Variants in CNTNAP2 observed in about 807,000 individuals in gnomAD.
CNTNAP2 encodes the protein contactin-associated protein-like 2.
CNTNAP2 carries 98 observed loss-of-function variants against 155.2 expected under a neutral mutation model. The observed-to-expected ratio is 0.63, with a 90% CI of 0.54 to 0.75. CNTNAP2 has a LOEUF of 0.75. CNTNAP2 is among the 30% of genes least tolerant of loss of function. The pLI, the probability that CNTNAP2 is intolerant of heterozygous loss-of-function variation, is 0.00. For missense variants in CNTNAP2, 1,727 were observed against 1,688.1 expected, an observed-to-expected ratio of 1.02 and a Z score of -0.40; for synonymous variants, 651 against 631.2, an observed-to-expected ratio of 1.03 and a Z score of -0.47.
intron 9 of CNTNAP2, among the ~76,000 whole-genome samples, chr7:147,393,791 CAAG>C (rs1222061156): frequency 6.6e-6 from 1 of 151,580 alleles, no homozygotes; most frequent in Non-Finnish European, 1.5e-5. Flanking sequence ...TTTTTTAAGT[CAAG>C]AAGTTAATTC....
chr7:147,910,947 T>G (rs891344562), intron 14 of CNTNAP2, among the ~76,000 whole-genome samples: 1 of 152,226 alleles, frequency 6.6e-6, no homozygotes, highest in Non-Finnish European at 1.5e-5. Context: ...TTTCCAATTT[T>G]TATTATGGTA....
chr7:147,586,114 T>C (rs1227049495), intron 12 of CNTNAP2, among the ~76,000 whole-genome samples: 1 of 152,108 alleles, frequency 6.6e-6, no homozygotes, highest in Non-Finnish European at 1.5e-5. Flanking sequence ...TGATTGGCAA[T>C]TGATTGAAAG....
chr7:146,143,082 T>A (rs908353007), intron 1 of CNTNAP2, among the ~76,000 whole-genome samples: 1 of 152,158 alleles, frequency 6.6e-6, no homozygotes, highest in African/African-American at 2.4e-5. Context: ...ATTGCTAGGC[T>A]GCCATTGTTA....
intron 22 of CNTNAP2, among the ~76,000 whole-genome samples, chr7:148,391,101 T>TCTCCCATGATTG (rs1412671483): frequency 6.6e-6 from 1 of 152,174 alleles, no homozygotes; most frequent in Non-Finnish European, 1.5e-5. Context: ...TTTTAACACC[T>TCTCCCATGATTG]CTCCCATGAT....
At chr7:146,865,919 G>C (rs12667877) in intron 3 of CNTNAP2, among the ~76,000 whole-genome samples, 1 of 151,892 alleles carries the variant, frequency 6.6e-6, no homozygotes, top group Non-Finnish European at 1.5e-5. Context: ...CCTTGAAAAG[G>C]AATCCTTGTA....
At chr7:147,005,215 C>A (rs1798503785) in intron 3 of CNTNAP2, among the ~76,000 whole-genome samples, 1 of 151,858 alleles carries the variant, frequency 6.6e-6, no homozygotes, top group Non-Finnish European at 1.5e-5. Flanking sequence ...ATTTTCTATC[C>A]ACGGGAATAG....
chr7:148,368,100 C>T (rs1637863), intron 21 of CNTNAP2, among the ~76,000 whole-genome samples: 2 of 152,056 alleles, frequency 1.3e-5, no homozygotes, highest in Admixed American at 6.5e-5. Context: ...AAGTCACTCC[C>T]TTTAGGTGTC....
At chr7:146,420,923 T>C (rs573362935) in intron 1 of CNTNAP2, among the ~76,000 whole-genome samples, 152 of 152,220 alleles carry the variant, frequency 1.0e-3, no homozygotes, top group African/African-American at 3.5e-3. Context: ...AGCTTTCACA[T>C]TGGACTGTTC....
intron 13 of CNTNAP2, among the ~76,000 whole-genome samples, chr7:147,761,640 C>T (rs551891862): frequency 6.6e-6 from 1 of 152,092 alleles, no homozygotes; most frequent in Non-Finnish European, 1.5e-5. Flanking sequence ...GAGGATATAA[C>T]TTCATGGGGA....
At chr7:146,936,731 T>G (rs1796923345) in intron 3 of CNTNAP2, among the ~76,000 whole-genome samples, 2 of 152,204 alleles carry the variant, frequency 1.3e-5, no homozygotes, top group Non-Finnish European at 1.5e-5. Flanking sequence ...AGTCATAGAC[T>G]GCTGAGTGTT....
At chr7:147,817,719 T>C (rs184156157) in intron 13 of CNTNAP2, among the ~76,000 whole-genome samples, 17 of 152,004 alleles carry the variant, frequency 1.1e-4, no homozygotes, top group East Asian at 9.7e-4. Flanking sequence ...CTGGCTAACA[T>C]GGTGAAACCC....
At position 147,409,506 on chromosome 7, in the gene CNTNAP2, C is replaced by T. The variant is rs185376990; in HGVS notation, c.1670+13726C>T. ...ATAGGCATGGGCAAAGGTTTCATGA[C>T]GAAGACACAAAAGCAATTGCAACAC... On this transcript the variant is annotated intron_variant, in intron 10 of 23. Transcript: ENST00000361727. 3.0e-4 allele frequency among the ~76,000 whole-genome samples: 46 copies of T among 152,192 alleles called. 1 individual carries two copies. The highest frequency in any genetic ancestry group is 8.2e-4 in the African/African-American group (34 of 41,508).
chr7:147,441,458 C>T (rs1449232973), intron 10 of CNTNAP2, among the ~76,000 whole-genome samples: 1 of 152,058 alleles, frequency 6.6e-6, no homozygotes, highest in Non-Finnish European at 1.5e-5. Flanking sequence ...GGGTTGGTTC[C>T]TGATTCCTTG....
rs184748512 is a variant in CNTNAP2 at position 147,601,406 on chromosome 7, G to A, written c.1898-37700G>A. Among the ~76,000 whole-genome samples the A allele has an allele frequency of 1.6e-3, 237 of 152,024 alleles. 6 individuals are homozygous for A. The East Asian group carries it at 0.038, about 24-fold the overall frequency. On this transcript the variant is annotated intron_variant, in intron 12 of 23. Coordinates refer to ENST00000361727, the MANE Select transcript of CNTNAP2 (RefSeq NM_014141.6). ...GGCGGGCAGGGGTGGGGGACACAAG[G>A]TGCTCAGTGGGGGAGCTTTTGAGCC... is the stretch of plus-strand genomic sequence containing the variant.
chr7:148,331,006 G>A (rs1797991449), intron 21 of CNTNAP2, among the ~76,000 whole-genome samples: 2 of 150,814 alleles, frequency 1.3e-5, no homozygotes, highest in African/African-American at 4.9e-5. Context: ...TGGAATGAAT[G>A]GATGGAATGG....
chr7:146,854,735 A>T (rs1794944392), intron 3 of CNTNAP2, among the ~76,000 whole-genome samples: 1 of 152,116 alleles, frequency 6.6e-6, no homozygotes, highest in Non-Finnish European at 1.5e-5. Context: ...ATATGTTTGG[A>T]TGTCATTGCC....
intron 1 of CNTNAP2, among the ~76,000 whole-genome samples, chr7:146,262,747 G>A (rs1014217806): frequency 8.5e-5 from 13 of 152,078 alleles, no homozygotes; most frequent in African/African-American, 1.4e-4. Flanking sequence ...TGTTTTAGTC[G>A]CTGTGATAAA....
chr7:146,553,335 T>C (rs2129143076), intron 1 of CNTNAP2, among the ~76,000 whole-genome samples: 1 of 152,166 alleles, frequency 6.6e-6, no homozygotes, highest in Admixed American at 6.5e-5. Flanking sequence ...TATTGGATTG[T>C]TCTTTTGAGC....
intron 3 of CNTNAP2, among the ~76,000 whole-genome samples, chr7:147,010,103 G>A (rs969700412): frequency 2.0e-5 from 3 of 149,474 alleles, no homozygotes; most frequent in East Asian, 2.0e-4. Context: ...TCCACTTCCC[G>A]GGTTGAAGTG....
Sources: gnomAD v4.1 joint callset for allele counts (sites outside exome capture counted in the v4.1 genomes callset) on GRCh38, gnomAD v4.1.1 for gene constraint, MANE v1.5 for transcripts, NCBI Gene and HGNC (gene_info 2026-07-23, HGNC 2026-07-21) for gene names.